The following RNF130 variants were observed in gnomAD, a reference collection of about 807,000 sequenced individuals.
RNF130 encodes E3 ubiquitin-protein ligase RNF130.
A neutral mutation model predicts 44.6 loss-of-function variants in RNF130; 21 were observed. The observed-to-expected ratio is 0.47, with a 90% CI of 0.33 to 0.68. RNF130 has a LOEUF of 0.68. Ranked by LOEUF, RNF130 falls within the 30% of genes least tolerant of loss-of-function variation. The pLI is 0.02. For missense variants in RNF130, 479 were observed against 560.6 expected, an observed-to-expected ratio of 0.85 and a Z score of 1.47; for synonymous variants, 214 against 210.4, an observed-to-expected ratio of 1.02 and a Z score of -0.15.
At chr5:180,005,849 T>A (rs968439061) in intron 3 of RNF130, among the ~76,000 whole-genome samples, 12 of 152,328 alleles carry the variant, frequency 7.9e-5, no homozygotes, top group Admixed American at 7.8e-4. Flanking sequence ...AAATATTTAC[T>A]GAGGCAGTGT....
chr5:179,968,212 A>G (rs934489393), intron 6 of RNF130, among the ~76,000 whole-genome samples: 5 of 150,954 alleles, frequency 3.3e-5, no homozygotes, highest in Admixed American at 1.3e-4. Flanking sequence ...AGAGAATGGC[A>G]TGAACCCAGG....
chr5:179,914,457 C>A (rs1761512369), exon 8 of RNF130: 1 of 152,226 alleles, frequency 6.6e-6, no homozygotes, highest in African/African-American at 2.4e-5. Flanking sequence ...TCCTTCTGTC[C>A]ACACTTTAAA....
intron 8 of RNF130, among the ~76,000 whole-genome samples, chr5:179,962,048 T>C (rs1433682275): frequency 6.6e-6 from 1 of 152,228 alleles, no homozygotes; most frequent in Non-Finnish European, 1.5e-5. Flanking sequence ...GCCCAGGTCT[T>C]ACAACTGAAA....
intron 7 of RNF130, among the ~76,000 whole-genome samples, chr5:179,938,266 G>T (rs1761924647): frequency 6.6e-6 from 1 of 152,044 alleles, no homozygotes; most frequent in African/African-American, 2.4e-5. Flanking sequence ...CCCTTTCAAT[G>T]AATCTTGAAA....
intron 7 of RNF130, among the ~76,000 whole-genome samples, chr5:179,925,508 C>T (rs1025002549): frequency 6.6e-6 from 1 of 151,912 alleles, no homozygotes; most frequent in Non-Finnish European, 1.5e-5. Context: ...TCTGTTTTTT[C>T]ATTTATTTAT....
intron 7 of RNF130, among the ~76,000 whole-genome samples, chr5:179,921,583 A>C (rs1278184671): frequency 2.0e-5 from 3 of 152,172 alleles, no homozygotes; most frequent in Non-Finnish European, 4.4e-5. Flanking sequence ...GGATCATTTG[A>C]GATCAGGAGT....
intron 7 of RNF130, among the ~76,000 whole-genome samples, chr5:179,949,869 T>G (rs776880527): frequency 6.6e-6 from 1 of 152,122 alleles, no homozygotes; most frequent in Non-Finnish European, 1.5e-5. Context: ...CAATCTGTAA[T>G]CAATCGGATC....
chr5:179,999,580 G>A (rs1044093680), intron 3 of RNF130, among the ~76,000 whole-genome samples: 22 of 152,024 alleles, frequency 1.4e-4, no homozygotes, highest in African/African-American at 4.6e-4. Flanking sequence ...AAATTAGCCG[G>A]GCTTGGTGGT....
chr5:179,982,962 TTGTC>T (rs1762871092), intron 3 of RNF130, among the ~76,000 whole-genome samples: 1 of 152,208 alleles, frequency 6.6e-6, no homozygotes, highest in African/African-American at 2.4e-5. Flanking sequence ...CATGTGTACA[TTGTC>T]TGTGGTGAAG....
At chr5:180,061,422 A>G (rs1290939187) in intron 1 of RNF130, among the ~76,000 whole-genome samples, 1 of 152,222 alleles carries the variant, frequency 6.6e-6, no homozygotes, top group Non-Finnish European at 1.5e-5. Context: ...GGCGGCCGCA[A>G]GACATCACAA....
intron 8 of RNF130, among the ~76,000 whole-genome samples, chr5:179,958,276 C>A (rs1465299626): frequency 1.3e-5 from 2 of 152,180 alleles, no homozygotes; most frequent in African/African-American, 4.8e-5. Context: ...ATATTAACAA[C>A]AAGGCACAGG....
chr5:180,057,180 A>G (rs1166631810), intron 1 of RNF130, among the ~76,000 whole-genome samples: 1 of 152,218 alleles, frequency 6.6e-6, no homozygotes, highest in East Asian at 1.9e-4. Flanking sequence ...CCCAACTCCC[A>G]GCCCCTCAAA....
chr5:179,997,425 G>A (rs990686452), intron 3 of RNF130, among the ~76,000 whole-genome samples: 2 of 152,172 alleles, frequency 1.3e-5, no homozygotes, highest in African/African-American at 4.8e-5. Context: ...CCAGGTTCAA[G>A]CCATTCTCCT....
intron 3 of RNF130, among the ~76,000 whole-genome samples, chr5:179,990,431 C>G (rs557698981): frequency 1.3e-5 from 2 of 152,220 alleles, no homozygotes; most frequent in Non-Finnish European, 2.9e-5. Flanking sequence ...GCCAGGTGTA[C>G]AGGATGGAAC....
At chr5:180,051,804 A>C (rs1323872629) in intron 1 of RNF130, among the ~76,000 whole-genome samples, 1 of 152,216 alleles carries the variant, frequency 6.6e-6, no homozygotes, top group African/African-American at 2.4e-5. Flanking sequence ...GTAAGTTTAA[A>C]TGACGGCTAA....
In RNF130 at chr5:179,946,944, T is replaced by C. The variant is rs180844473; in HGVS notation, c.1150+19862A>G. ...GGCCGGTTGCCACCCTAGCTCCCGT[T>C]ATTTCTACCTGTTTTTTCAACTCCT... is the stretch of plus-strand genomic sequence containing the variant. On this transcript the variant is annotated intron_variant, in intron 7 of 7. Coordinates refer to the RNF130 transcript ENST00000522208. 6.4e-4 allele frequency among the ~76,000 whole-genome samples: 98 copies of C among 152,250 alleles called. No individual in the cohort carries two copies. The East Asian group carries it at 0.012, about 19-fold the overall frequency.
At chr5:179,966,751 G>A (rs999055380) in intron 7 of RNF130, 55 bp downstream of exon 7, 43 of 1,520,500 alleles carry the variant, frequency 2.8e-5, no homozygotes, top group East Asian at 7.1e-5. Flanking sequence ...TGATGGTCCC[G>A]AATGCCCACA....
chr5:179,986,544 G>GT (rs1561681432), intron 3 of RNF130, among the ~76,000 whole-genome samples: 1 of 152,174 alleles, frequency 6.6e-6, no homozygotes, highest in Admixed American at 6.5e-5. Flanking sequence ...ACTCATAAGC[G>GT]TATGTCACAT....
intron 8 of RNF130, chr5:179,955,946 TATC>T (rs1314339180): frequency 1.5e-5 from 5 of 342,794 alleles, no homozygotes; most frequent in African/African-American, 1.1e-4. Flanking sequence ...CAGGGACAAT[TATC>T]ATACAATTTA....
Sources: gnomAD v4.1 joint callset for allele counts (sites outside exome capture counted in the v4.1 genomes callset) on GRCh38, gnomAD v4.1.1 for gene constraint, MANE v1.5 for transcripts, NCBI Gene and HGNC (gene_info 2026-07-23, HGNC 2026-07-21) for gene names.